Variants in L3MBTL1 observed in about 807,000 individuals in gnomAD.
L3MBTL1 encodes L3MBTL histone methyl-lysine binding protein 1.
In L3MBTL1, 75 loss-of-function variants were observed where a neutral mutation model predicts 105.3. The ratio of observed to expected loss-of-function variants is 0.71; its 90% CI spans 0.59 to 0.86. L3MBTL1 has a LOEUF of 0.86. L3MBTL1 is among the 40% of genes least tolerant of loss of function. The probability of loss-of-function intolerance (pLI) is 0.00; values close to 1 mark genes in which losing one functional copy is unlikely to be tolerated. For synonymous variants in L3MBTL1, 452 were observed against 436.2 expected, an observed-to-expected ratio of 1.04 and a Z score of -0.45; for missense variants, 1,069 against 1,126.4, an observed-to-expected ratio of 0.95 and a Z score of 0.73.
chr20:43,529,454 TCCCTC>T, intron 9 of L3MBTL1, 86 bp downstream of exon 9: 1 of 902,032 alleles, frequency 1.1e-6, no homozygotes, highest in Non-Finnish European at 1.8e-6. Context: ...AGGAAACACC[TCCCTC>T]CCCTCAGAGC....
chr20:43,544,600 C>A (rs1345399662), downstream of L3MBTL1, among the ~76,000 whole-genome samples: 1 of 152,146 alleles, frequency 6.6e-6, no homozygotes, highest in East Asian at 1.9e-4. Context: ...TGGGCTTTGG[C>A]AGTTACCGTG....
chr20:43,532,629 T>A, intron 11 of L3MBTL1, 144 bp from the exon 12 acceptor site: 1 of 896,504 alleles, frequency 1.1e-6, no homozygotes, highest in Non-Finnish European at 1.7e-6. Flanking sequence ...TGGAGGGCCC[T>A]CTTTCCCAGC....
intron 1 of L3MBTL1, among the ~76,000 whole-genome samples, chr20:43,512,400 AG>A (rs745533455): frequency 6.6e-6 from 1 of 152,224 alleles, no homozygotes; most frequent in Non-Finnish European, 1.5e-5. Context: ...TGTCAGAGAC[AG>A]GGTCTCGCTA....
At position 43,548,486 on chromosome 20, in the gene L3MBTL1, G is replaced by A. The variant is rs527545933; in HGVS notation, c.*241G>A. Reference sequence around the variant, plus strand: ...GTTGGTGAGGGCGTGACTGGCAGGGGCATTACTCATGGAGTCAGTTGGACT... The same window carrying A: ...GTTGGTGAGGGCGTGACTGGCAGGGACATTACTCATGGAGTCAGTTGGACT... On this transcript the variant is annotated 3_prime_UTR_variant, in exon 19 of 19. Transcript: ENST00000422861. 612 of 260,698 alleles carry A rather than the reference G, an allele frequency of 2.3e-3. 3 individuals are homozygous for A. The highest frequency in any genetic ancestry group is 3.6e-3 in the Non-Finnish European group (466 of 130,882). 16.1% of individuals were successfully genotyped at this position (260,698 alleles called of 1,614,324 possible).
intron 7 of L3MBTL1, chr20:43,523,140 G>T (rs889844192): frequency 6.6e-6 from 1 of 152,058 alleles, no homozygotes; most frequent in Non-Finnish European, 1.5e-5. Context: ...AAAGTAAAAT[G>T]TCAGAATATG....
At chr20:43,535,974 T>C (rs2019588043) in intron 17 of L3MBTL1, 38 bp downstream of exon 17, 1 of 1,597,258 alleles carries the variant, frequency 6.3e-7, no homozygotes. Context: ...CTCAGCGTTG[T>C]TTTGCACTTA....
chr20:43,523,063 C>G (rs749838023), intron 7 of L3MBTL1, among the ~76,000 whole-genome samples: 2 of 151,470 alleles, frequency 1.3e-5, no homozygotes, highest in African/African-American at 4.9e-5. Context: ...AGCCGAGATC[C>G]GCCACTGCAC....
intron 20 of L3MBTL1, 78 bp from the exon 21 acceptor site, chr20:43,540,675 A>G (rs2019867533): frequency 1.5e-6 from 2 of 1,354,032 alleles, no homozygotes; most frequent in Non-Finnish European, 2.1e-6. Context: ...GCTCAGAAGC[A>G]CCTAGGCTGT....
rs940556682 is a variant in L3MBTL1, at chr20:43,541,275, G to A, written c.*147G>A. 8 of 1,410,408 alleles carry A rather than the reference G, an allele frequency of 5.7e-6. No individual in the cohort carries two copies. Among genetic ancestry groups the A allele is most frequent in the Non-Finnish European group, 7.5e-6 (8 of 1,072,974 alleles). 87.4% of individuals were successfully genotyped at this position (1,410,408 alleles called of 1,614,324 possible). On this transcript the variant is annotated 3_prime_UTR_variant, in exon 22 of 22. Transcript: ENST00000418998. ...AGTGAGTTGTAGATAAAAAAAGAAT[G>A]TCAGCTTTGGAGACAGTCTGGGTTT...
Position 43,513,971 on chromosome 20 carries a change from T to C in L3MBTL1, c.270T>C (p.Leu90=), listed in dbSNP as rs2018215183. ...TTTCTGCCACCGTCCTGCCGCAGCT[T>C]AGCGCCGGGCCGGCCAGCTCCAGCA... is the stretch of plus-strand genomic sequence containing the variant. The part of the protein sequence containing the change: ...EPVSATVLPQ[L]SAGPASSSTS... The change falls in exon 3 of 22, where the codon CTT becomes CTC. Residue 90 remains leucine (L), a synonymous_variant. Transcript: ENST00000418998. 6.5e-7 allele frequency: 1 copy of C among 1,547,802 alleles called. No homozygotes were observed. The highest frequency in any genetic ancestry group is 1.4e-5 in the African/African-American group (1 of 73,044).
rs774320584 is a variant in L3MBTL1, at chr20:43,534,341, C to T, written c.1657C>T (p.Pro553Ser). Residue 553 changes from proline to serine, a missense_variant, in exon 15 of 22, where the codon CCA becomes TCA. Coordinates refer to ENST00000418998, the MANE Select transcript of L3MBTL1 (RefSeq NM_001377303.1). ...GCTGGAGGCTGTGGACCGCAGGAAC[C>T]CAGCCCTGATTCGCGTGGCCAGCGT... is the stretch of plus-strand genomic sequence containing the variant. ...MKLEAVDRRN[P>S]ALIRVASVED... 2 of 1,614,144 alleles carry T rather than the reference C, an allele frequency of 1.2e-6. No homozygotes were observed. The highest frequency in any genetic ancestry group is 1.7e-6 in the Non-Finnish European group (2 of 1,180,016).
At chr20:43,545,133 G>A (rs117461270), downstream of L3MBTL1, among the ~76,000 whole-genome samples, 3,156 of 151,924 alleles carry the variant, frequency 0.021, 59 homozygotes, top group Non-Finnish European at 0.034. Flanking sequence ...GCATGGTGGC[G>A]CACATCCGTA....
intron 19 of L3MBTL1, 76 bp from the exon 20 acceptor site, chr20:43,540,075 G>T (rs1220102825): frequency 4.5e-6 from 7 of 1,557,724 alleles, no homozygotes; most frequent in African/African-American, 1.4e-5. Context: ...TCTCCTGAGT[G>T]GTGTGGGTAT....
Position 43,540,751 on chromosome 20 carries a change from AGGTCTTC to A in L3MBTL1, c.2333_2339del (p.Val778AlafsTer6), listed in dbSNP as rs1349217759. The A allele has an allele frequency of 8.1e-6, 13 of 1,614,126 alleles. No homozygotes were observed. The highest frequency in any genetic ancestry group is 9.3e-6 in the Non-Finnish European group (11 of 1,180,014). ...GTCAACATGTCATCTTTGGTTTCCA[AGGTCTTC>A]GGCTTTGTTCAGACCCTGACAGGTT... is the stretch of plus-strand genomic sequence containing the variant. On this transcript the variant is annotated splice_acceptor_variant and coding_sequence_variant, in exon 21 of 22. Transcript: ENST00000418998. LOFTEE classifies it high-confidence loss of function.
chr20:43,541,331 A>G lies in L3MBTL1; in HGVS notation c.*203A>G. On this transcript the variant is annotated 3_prime_UTR_variant, in exon 22 of 22. Coordinates refer to ENST00000418998, the MANE Select transcript of L3MBTL1 (RefSeq NM_001377303.1). ...CCAGTTCTGTCAATTTGAGCTGTTTACTGTCTCTGAGCCTACATCTTCTTG... is the reference window on the plus strand; with the variant it reads ...CCAGTTCTGTCAATTTGAGCTGTTTGCTGTCTCTGAGCCTACATCTTCTTG... The G allele has an allele frequency of 7.1e-6, 7 of 991,676 alleles. No individual in the cohort carries two copies. The highest frequency in any genetic ancestry group is 9.9e-6 in the Non-Finnish European group (7 of 705,472). 61.4% of individuals were successfully genotyped at this position (991,676 alleles called of 1,614,324 possible).
Position 43,523,039 on chromosome 20 carries a change from C to T in L3MBTL1, c.863-5618C>T, listed in dbSNP as rs571510818. On this transcript the variant is annotated intron_variant, in intron 7 of 21. Coordinates refer to ENST00000418998, the MANE Select transcript of L3MBTL1 (RefSeq NM_001377303.1). ...AGGAGAATCACTTGAACCTGGGAAA[C>T]GGAGGTTGCAGTGAGCCGAGATCCG... Among the ~76,000 whole-genome samples the T allele has an allele frequency of 3.8e-4, 58 of 151,600 alleles. No homozygotes were observed. The South Asian group carries it at 9.2e-3, about 24-fold the overall frequency.
At position 43,514,440 on chromosome 20, in the gene L3MBTL1, C is replaced by T. The variant is rs928973704; in HGVS notation, c.361-195C>T. Reference sequence around the variant, plus strand: ...AGTGGGGCACCCTGGGACTGGACCCCGCAGGTGCTTGGGGGCGTAGCCTGG... The same window carrying T: ...AGTGGGGCACCCTGGGACTGGACCCTGCAGGTGCTTGGGGGCGTAGCCTGG... On this transcript the variant is annotated intron_variant, in intron 3 of 21. Transcript: ENST00000418998. 3.4e-5 allele frequency: 51 copies of T among 1,483,066 alleles called. 1 individual carries two copies. In the African/African-American group the frequency reaches 6.2e-4, roughly 18 times the overall value. 91.9% of individuals were successfully genotyped at this position (1,483,066 alleles called of 1,614,324 possible). A position where few individuals can be genotyped will look rare whatever the true frequency, so the allele number is the denominator to read the frequency against.
At chr20:43,542,665 A>C (rs916996016), downstream of L3MBTL1, among the ~76,000 whole-genome samples, 1 of 151,502 alleles carries the variant, frequency 6.6e-6, no homozygotes, top group Non-Finnish European at 1.5e-5. Flanking sequence ...CCCTCATACC[A>C]GAAAGTTCTT....
intron 16 of L3MBTL1, among the ~76,000 whole-genome samples, chr20:43,535,187 G>A (rs2019544578): frequency 6.6e-6 from 1 of 152,136 alleles, no homozygotes; most frequent in South Asian, 2.1e-4. Flanking sequence ...AGCTCACTTG[G>A]TTGCATGTGC....
Sources: allele counts gnomAD v4.1 joint callset (sites outside exome capture counted in the v4.1 genomes callset), GRCh38; gene constraint gnomAD v4.1.1; transcripts MANE v1.5; gene names NCBI Gene and HGNC (gene_info 2026-07-23, HGNC 2026-07-21).